Variants in FGGY observed in about 807,000 individuals in gnomAD.
The protein encoded by FGGY is FGGY carbohydrate kinase domain-containing protein.
FGGY carries 72 observed loss-of-function variants against 71.3 expected under a neutral mutation model. The ratio of observed to expected loss-of-function variants is 1.01; its 90% CI spans 0.84 to 1.23. The LOEUF is 1.23. Among genes scored for constraint, FGGY ranks in the 50% most tolerant of loss-of-function variants. The pLI is 0.00. For synonymous variants in FGGY, 251 were observed against 250.3 expected, an observed-to-expected ratio of 1.00 and a Z score of -0.02; for missense variants, 668 against 682.3, an observed-to-expected ratio of 0.98 and a Z score of 0.23.
chr1:59,758,916 C>G (rs1434760888), intron 15 of FGGY, among the ~76,000 whole-genome samples: 2 of 152,136 alleles, frequency 1.3e-5, no homozygotes, highest in Non-Finnish European at 2.9e-5. Flanking sequence ...GAATTCTAAG[C>G]AGTGGTGAGA....
At chr1:59,547,970 G>A (rs921884632) in intron 7 of FGGY, among the ~76,000 whole-genome samples, 2 of 152,136 alleles carry the variant, frequency 1.3e-5, no homozygotes, top group African/African-American at 4.8e-5. Context: ...GACTTGCCCT[G>A]GCCTCCGTTT....
At chr1:59,694,866 A>G (rs1322705521) in intron 14 of FGGY, among the ~76,000 whole-genome samples, 1 of 152,218 alleles carries the variant, frequency 6.6e-6, no homozygotes, top group Non-Finnish European at 1.5e-5. Context: ...TTAAGACTTT[A>G]AAATGTAAAC....
At chr1:59,708,377 C>A (rs2097770592) in intron 14 of FGGY, among the ~76,000 whole-genome samples, 2 of 152,122 alleles carry the variant, frequency 1.3e-5, no homozygotes, top group African/African-American at 2.4e-5. Flanking sequence ...AGAGCTTTTC[C>A]CTACTTCAAC....
chr1:59,302,257 C>T (rs373795419), intron 1 of FGGY, among the ~76,000 whole-genome samples: 27 of 152,048 alleles, frequency 1.8e-4, no homozygotes, highest in African/African-American at 5.8e-4. Flanking sequence ...AGCTAAATAC[C>T]TGACCTCTCG....
At chr1:59,733,401 A>G (rs1436862930) in intron 14 of FGGY, 1 of 152,894 alleles carries the variant, frequency 6.5e-6, no homozygotes, top group East Asian at 1.9e-4. Flanking sequence ...CCAGTGCTGC[A>G]TTTAAACTTC....
At chr1:59,429,949 A>G (rs1363161767) in intron 5 of FGGY, among the ~76,000 whole-genome samples, 2 of 152,160 alleles carry the variant, frequency 1.3e-5, no homozygotes, top group South Asian at 2.1e-4. Flanking sequence ...AATAAATTTT[A>G]TAGCTGCATG....
At chr1:59,512,767 T>G (rs2094549154) in intron 7 of FGGY, among the ~76,000 whole-genome samples, 1 of 152,260 alleles carries the variant, frequency 6.6e-6, no homozygotes, top group South Asian at 2.1e-4. Flanking sequence ...TCTACTGTTT[T>G]TTTGTAAGGT....
rs555605408 is a variant in FGGY at position 59,623,797 on chromosome 1, G to A, written c.1012-2191G>A. ...ATTTCTTATTTTTCAGTGTATCTCC[G>A]GAACCTAGGTGCACAGTTCCTGGAG... is the stretch of plus-strand genomic sequence containing the variant. On this transcript the variant is annotated intron_variant, in intron 9 of 15. Coordinates refer to ENST00000303721, the MANE Select transcript of FGGY (RefSeq NM_018291.5). 4.6e-5 allele frequency among the ~76,000 whole-genome samples: 7 copies of A among 152,028 alleles called. No homozygotes were observed. In the South Asian group the frequency reaches 6.2e-4, roughly 14 times the overall value.
chr1:59,668,735 C>A (rs1179898695), intron 13 of FGGY, among the ~76,000 whole-genome samples: 2 of 152,014 alleles, frequency 1.3e-5, no homozygotes, highest in African/African-American at 4.8e-5. Context: ...GTGATCCCCA[C>A]ACTTTGGGAG....
chr1:59,752,459 T>C (rs565310371), intron 14 of FGGY, among the ~76,000 whole-genome samples: 1 of 152,318 alleles, frequency 6.6e-6, no homozygotes, highest in African/African-American at 2.4e-5. Flanking sequence ...TGGGCTAGAC[T>C]ACTGACAGTC....
intron 6 of FGGY, among the ~76,000 whole-genome samples, chr1:59,480,636 C>G (rs934569622): frequency 6.6e-6 from 1 of 152,106 alleles, no homozygotes; most frequent in Admixed American, 6.5e-5. Context: ...AGGTAAGCAA[C>G]CTGGAGTCCC....
intron 7 of FGGY, among the ~76,000 whole-genome samples, chr1:59,539,639 T>A (rs60666199): frequency 0.014 from 2,066 of 152,240 alleles, 18 homozygotes; most frequent in South Asian, 0.028. Flanking sequence ...GTATGAAATT[T>A]AAAAAAATAA....
rs2095181793 is a variant in FGGY at position 59,532,697 on chromosome 1, G to A, written c.799+20258G>A. On this transcript the variant is annotated intron_variant, in intron 7 of 15. Transcript: ENST00000303721. Reference sequence around the variant, plus strand: ...ATATCAACAAAGAAAAAAACATAATGCAAATATCATACTTAATGGTGAAAT... The same window carrying A: ...ATATCAACAAAGAAAAAAACATAATACAAATATCATACTTAATGGTGAAAT... 2.0e-5 allele frequency among the ~76,000 whole-genome samples: 3 copies of A among 152,030 alleles called. No homozygotes were observed. In the South Asian group the frequency reaches 6.2e-4, roughly 32 times the overall value.
intron 7 of FGGY, among the ~76,000 whole-genome samples, chr1:59,549,399 G>A (rs897814237): frequency 1.3e-5 from 2 of 152,194 alleles, no homozygotes; most frequent in African/African-American, 4.8e-5. Context: ...TATTAAAAGA[G>A]AATCTTTTTC....
At chr1:59,428,302 C>T (rs778982442) in intron 5 of FGGY, among the ~76,000 whole-genome samples, 16 of 152,292 alleles carry the variant, frequency 1.1e-4, no homozygotes, top group East Asian at 3.9e-4. Context: ...CTCATCCTTA[C>T]GGATAGGGAG....
At chr1:59,399,167 G>A (rs893517614) in intron 5 of FGGY, among the ~76,000 whole-genome samples, 1 of 152,122 alleles carries the variant, frequency 6.6e-6, no homozygotes, top group Admixed American at 6.6e-5. Flanking sequence ...TACATTTAAA[G>A]CATTGACACA....
intron 10 of FGGY, among the ~76,000 whole-genome samples, chr1:59,634,812 G>A (rs898252220): frequency 2.0e-5 from 3 of 152,202 alleles, no homozygotes; most frequent in African/African-American, 7.2e-5. Flanking sequence ...CAGCCTTTAA[G>A]TAGACAGTAT....
At chr1:59,453,348 C>T (rs2153504548) in intron 5 of FGGY, among the ~76,000 whole-genome samples, 1 of 152,306 alleles carries the variant, frequency 6.6e-6, no homozygotes, top group East Asian at 1.9e-4. Context: ...CTAACTTTCC[C>T]TTTATTGGGG....
intron 14 of FGGY, among the ~76,000 whole-genome samples, chr1:59,706,615 T>A (rs2076077115): frequency 6.6e-6 from 1 of 152,168 alleles, no homozygotes; most frequent in Non-Finnish European, 1.5e-5. Context: ...AATGGGATAA[T>A]GTGTGTAATG....
Sources: allele counts gnomAD v4.1 joint callset (sites outside exome capture counted in the v4.1 genomes callset), GRCh38; gene constraint gnomAD v4.1.1; transcripts MANE v1.5; gene names NCBI Gene and HGNC (gene_info 2026-07-23, HGNC 2026-07-21).